The following DENND4A variants were observed in gnomAD, a reference collection of about 807,000 sequenced individuals.
The protein encoded by DENND4A is C-myc promoter-binding protein.
A neutral mutation model predicts 199.3 loss-of-function variants in DENND4A; 70 were observed. That is an observed-to-expected ratio of 0.35 (90% confidence interval 0.29 to 0.43). The LOEUF (loss-of-function observed/expected upper bound fraction) is 0.43, where lower values mean the gene tolerates loss of function less well. Among genes scored for constraint, DENND4A ranks in the 20% least tolerant of loss-of-function variants. The probability of loss-of-function intolerance (pLI) is 1.00; values close to 1 mark genes in which losing one functional copy is unlikely to be tolerated. For missense variants in DENND4A, 1,723 were observed against 2,255.8 expected (o/e 0.76, Z 4.78); for synonymous variants, 686 against 766.9 (o/e 0.89, Z 1.74).
intron 30 of DENND4A, 132 bp from the exon 31 acceptor site, chr15:65,664,854 G>T: frequency 1.3e-6 from 1 of 767,424 alleles, no homozygotes; most frequent in Non-Finnish European, 2.0e-6. Flanking sequence ...AAAGAAATAG[G>T]AATCCAAGAA....
chr15:65,682,270 AT>A (rs2076604502), intron 23 of DENND4A, among the ~76,000 whole-genome samples: 2 of 152,286 alleles, frequency 1.3e-5, no homozygotes, highest in South Asian at 4.1e-4. Flanking sequence ...GTTGTTTAGT[AT>A]AGCCACCTTC....
chr15:65,695,315 G>A (rs574766331), intron 22 of DENND4A, among the ~76,000 whole-genome samples: 104 of 152,252 alleles, frequency 6.8e-4, no homozygotes, highest in African/African-American at 2.3e-3. Context: ...GAGATAATAC[G>A]TAAATGAATG....
intron 23 of DENND4A, among the ~76,000 whole-genome samples, chr15:65,680,295 C>A (rs1418386389): frequency 1.3e-5 from 2 of 152,134 alleles, no homozygotes; most frequent in African/African-American, 4.8e-5. Flanking sequence ...TTTGCTTTCT[C>A]ATTTTCAGAA....
chr15:65,672,320 A>G (rs913451148), intron 24 of DENND4A, among the ~76,000 whole-genome samples: 1 of 152,126 alleles, frequency 6.6e-6, no homozygotes, highest in African/African-American at 2.4e-5. Flanking sequence ...CTCTCCTTAT[A>G]AGGGTCTTTT....
Position 65,697,344 on chromosome 15 carries a change from T to A in DENND4A, c.2873A>T (p.Asp958Val). The part of the protein sequence containing the change: ...SDLGYNSLSK[D>V]EVRRGDTSTE... ...AGATGTATCCCCTCTTCTAACTTCA[T>A]CTTTAGATAATGAATTATATCCAAG... Residue 958 changes from aspartate (D) to valine (V), a missense_variant, in exon 21 of 33, where the codon GAT becomes GTT. This residue lies in a region of DENND4A where 650 missense variants were observed against 738.1 expected (regional missense o/e 0.88). Coordinates refer to ENST00000443035, the MANE Select transcript of DENND4A (RefSeq NM_001320835.1). The A allele has an allele frequency of 2.5e-6, 4 of 1,607,218 alleles. No individual in the cohort carries two copies. In the South Asian group the frequency reaches 4.5e-5, roughly 18 times the overall value.
At chr15:65,703,077 C>T in intron 15 of DENND4A, 69 bp from the exon 16 acceptor site, 1 of 1,435,868 alleles carries the variant, frequency 7.0e-7, no homozygotes, top group East Asian at 2.3e-5. Flanking sequence ...ATAGTGGTTA[C>T]AGGTTAATAT....
chr15:65,780,878 C>G (rs1304556847), intron 1 of DENND4A, among the ~76,000 whole-genome samples: 1 of 152,218 alleles, frequency 6.6e-6, no homozygotes, highest in Non-Finnish European at 1.5e-5. Flanking sequence ...GAACCAACTA[C>G]TTTATCCTGC....
rs1366866298 is a variant in DENND4A at position 65,667,494 on chromosome 15, T to C, written c.5196A>G (p.Leu1732=). The change falls in exon 29 of 33, where the codon TTA becomes TTG. Residue 1732 remains leucine, a synonymous_variant. Transcript: ENST00000443035. ...YFRRLDLPSN[L]PGLILSSEHC... ...GCTCAGAAGAAAGAATCAATCCAGG[T>C]AAGTTACTGGGCAAGTCAAGACGTC... 6.2e-7 allele frequency: 1 copy of C among 1,613,986 alleles called. No homozygotes were observed. Among genetic ancestry groups the C allele is most frequent in the Non-Finnish European group, 8.5e-7 (1 of 1,179,874 alleles).
chr15:65,722,848 A>C lies in DENND4A; in HGVS notation c.1588T>G (p.Leu530Val), dbSNP rs2075689065. The change falls in exon 12 of 33, where the codon TTG becomes GTG. Residue 530 changes from leucine (L) to valine (V), a missense_variant and splice_region_variant. Leu to Val is a conservative substitution (Grantham distance 32). Around this residue, in one of 6 missense-constraint regions of DENND4A, gnomAD observed 725 missense variants for 952.9 expected, o/e 0.76. Transcript: ENST00000443035. ...TCCTTTAATTAAGTTATCCACTTACATTTTGCCAATTGCTGATGCAAATTA... is the reference window on the plus strand; with the variant it reads ...TCCTTTAATTAAGTTATCCACTTACCTTTTGCCAATTGCTGATGCAAATTA... ...LNNLHQQLAK[L>V]QQRPRDDGLM... 2 of 1,591,928 alleles carry C rather than the reference A, an allele frequency of 1.3e-6. No homozygotes were observed. Among genetic ancestry groups the C allele is most frequent in the African/African-American group, 2.7e-5 (2 of 73,936 alleles).
chr15:65,720,947 T>TATTATATATATA (rs1555425654), intron 12 of DENND4A, among the ~76,000 whole-genome samples: 3 of 76,218 alleles, frequency 3.9e-5, no homozygotes, highest in African/African-American at 5.3e-5. Context: ...GTTTCATTGA[T>TATTATATATATA]TATATATATA....
At chr15:65,662,026 T>G (rs562508521) in intron 32 of DENND4A, 39 bp from the exon 33 acceptor site, 238 of 1,548,542 alleles carry the variant, frequency 1.5e-4, no homozygotes, top group Middle Eastern at 3.4e-4. Flanking sequence ...ATAAAGAAAT[T>G]TAGGTCTGAT....
chr15:65,709,579 A>C (rs2075168077), intron 14 of DENND4A, among the ~76,000 whole-genome samples: 1 of 150,734 alleles, frequency 6.6e-6, no homozygotes, highest in Admixed American at 6.7e-5. Context: ...CTGTAATCCC[A>C]GCTACTCGGG....
intron 2 of DENND4A, among the ~76,000 whole-genome samples, chr15:65,757,798 C>CA (rs1257356589): frequency 6.6e-6 from 1 of 152,132 alleles, no homozygotes. Flanking sequence ...GCCTGACCAA[C>CA]ATGGAGAGAA....
intron 2 of DENND4A, among the ~76,000 whole-genome samples, chr15:65,759,756 T>C (rs1055180393): frequency 6.6e-6 from 1 of 152,242 alleles, no homozygotes; most frequent in Non-Finnish European, 1.5e-5. Context: ...ATTGACCATC[T>C]ATTTATTTAA....
intron 4 of DENND4A, among the ~76,000 whole-genome samples, chr15:65,743,267 C>A (rs1184404865): frequency 6.6e-6 from 1 of 152,144 alleles, no homozygotes; most frequent in African/African-American, 2.4e-5. Context: ...TAATCATCTA[C>A]CCCCAATTCC....
intron 4 of DENND4A, among the ~76,000 whole-genome samples, chr15:65,749,892 T>C (rs148428803): frequency 3.9e-5 from 6 of 152,284 alleles, no homozygotes; most frequent in Non-Finnish European, 8.8e-5. Context: ...CATGGACCCA[T>C]CAGTTCCACT....
intron 31 of DENND4A, 31 bp downstream of exon 31, chr15:65,664,529 A>G (rs769092724): frequency 1.3e-6 from 2 of 1,596,394 alleles, no homozygotes; most frequent in Non-Finnish European, 1.7e-6. Context: ...TGCCTAGGAG[A>G]ACAATATATT....
chr15:65,693,618 C>T (rs917106497), intron 22 of DENND4A, among the ~76,000 whole-genome samples: 1 of 151,436 alleles, frequency 6.6e-6, no homozygotes, highest in Non-Finnish European at 1.5e-5. Flanking sequence ...CCTCTCAATT[C>T]CTCCTTTCTG....
At chr15:65,736,250 T>C (rs1049244871) in intron 7 of DENND4A, among the ~76,000 whole-genome samples, 1 of 151,804 alleles carries the variant, frequency 6.6e-6, no homozygotes, top group Non-Finnish European at 1.5e-5. Flanking sequence ...AACAGAACAA[T>C]AGATTTTTTT....
Sources: allele counts gnomAD v4.1 joint callset (sites outside exome capture counted in the v4.1 genomes callset), GRCh38; gene constraint gnomAD v4.1.1; regional missense constraint gnomAD v4.1.1; transcripts MANE v1.5; gene names NCBI Gene and HGNC (gene_info 2026-07-23, HGNC 2026-07-21).